The following GRID2 variants were observed in gnomAD, a reference collection of about 807,000 sequenced individuals.
GRID2 encodes glutamate receptor ionotropic, delta-2.
In GRID2, 33 loss-of-function variants were observed where a neutral mutation model predicts 114.8. The observed-to-expected ratio is 0.29, with a 90% CI of 0.22 to 0.38. The LOEUF (loss-of-function observed/expected upper bound fraction) is 0.38. Among genes scored for constraint, GRID2 ranks in the 10% least tolerant of loss-of-function variants. The pLI is 1.00. For missense variants in GRID2, 1,184 were observed against 1,257.7 expected (o/e 0.94, Z 0.89); for synonymous variants, 505 against 449.9 (o/e 1.12, Z -1.55).
intron 2 of GRID2, among the ~76,000 whole-genome samples, chr4:93,003,513 G>C (rs1286640477): frequency 6.6e-6 from 1 of 151,914 alleles, no homozygotes; most frequent in Non-Finnish European, 1.5e-5. Context: ...ATTACTGGAA[G>C]CATTTTATAT....
chr4:92,720,438 T>C (rs1202719724), intron 2 of GRID2, among the ~76,000 whole-genome samples: 1 of 151,968 alleles, frequency 6.6e-6, no homozygotes, highest in African/African-American at 2.4e-5. Context: ...ATTCAGAAAT[T>C]CAGCCAAATA....
chr4:92,419,761 C>T (rs542652215), intron 1 of GRID2, among the ~76,000 whole-genome samples: 3 of 152,084 alleles, frequency 2.0e-5, no homozygotes, highest in African/African-American at 7.2e-5. Context: ...AGAACTAACA[C>T]TTATTTAGGT....
intron 7 of GRID2, among the ~76,000 whole-genome samples, chr4:93,232,748 T>G (rs1287817373): frequency 6.6e-6 from 1 of 151,986 alleles, no homozygotes. Flanking sequence ...CCAACATATA[T>G]CAATATGATA....
intron 13 of GRID2, among the ~76,000 whole-genome samples, chr4:93,565,437 A>G (rs2149571068): frequency 6.6e-6 from 1 of 151,798 alleles, no homozygotes; most frequent in East Asian, 1.9e-4. Context: ...TAAAAGTTTC[A>G]ATAAAAAAAG....
intron 2 of GRID2, among the ~76,000 whole-genome samples, chr4:92,966,574 T>G (rs2149164384): frequency 6.6e-6 from 1 of 151,958 alleles, no homozygotes. Flanking sequence ...TGGGTGCAGT[T>G]TCCCCTATAC....
intron 14 of GRID2, among the ~76,000 whole-genome samples, chr4:93,656,388 A>G (rs2149729324): frequency 6.6e-6 from 1 of 152,258 alleles, no homozygotes; most frequent in East Asian, 1.9e-4. Flanking sequence ...GAAAAGCTCT[A>G]AAATATATTA....
chr4:93,808,715 C>G (rs1735078271), exon 2 of GRID2: 1 of 152,222 alleles, frequency 6.6e-6, no homozygotes, highest in African/African-American at 2.4e-5. Flanking sequence ...TCAGCCAGCC[C>G]TCTTGATGGA....
chr4:92,633,589 T>G (rs559334370), intron 2 of GRID2, among the ~76,000 whole-genome samples: 3 of 152,284 alleles, frequency 2.0e-5, no homozygotes, highest in Admixed American at 2.0e-4. Flanking sequence ...AATCATTATT[T>G]GTGATGTCAT....
chr4:92,422,044 A>G (rs1395622863), intron 1 of GRID2, among the ~76,000 whole-genome samples: 1 of 152,146 alleles, frequency 6.6e-6, no homozygotes, highest in East Asian at 1.9e-4. Context: ...TTGGAGCAGC[A>G]TGAGTGGAGG....
chr4:93,309,637 C>A (rs1001918438), intron 8 of GRID2, among the ~76,000 whole-genome samples: 2 of 152,088 alleles, frequency 1.3e-5, no homozygotes, highest in African/African-American at 4.8e-5. Context: ...TTTTATACTT[C>A]TCTTCCAAAG....
intron 10 of GRID2, among the ~76,000 whole-genome samples, chr4:93,435,734 A>C (rs143301293): frequency 1.3e-5 from 2 of 152,226 alleles, no homozygotes; most frequent in African/African-American, 4.8e-5. Flanking sequence ...CACATAGCCA[A>C]TAACTGGAAG....
At chr4:92,374,073 C>T (rs552954176) in intron 1 of GRID2, among the ~76,000 whole-genome samples, 1 of 152,260 alleles carries the variant, frequency 6.6e-6, no homozygotes, top group Non-Finnish European at 1.5e-5. Flanking sequence ...GGACCTCCTC[C>T]TCAGCAAGGG....
intron 2 of GRID2, among the ~76,000 whole-genome samples, chr4:92,744,505 A>T (rs937965328): frequency 2.0e-5 from 3 of 151,704 alleles, no homozygotes; most frequent in Admixed American, 6.6e-5. Flanking sequence ...AAAAAAAAAA[A>T]ATTTTTTTTC....
At chr4:93,499,896 G>T (rs957113110) in intron 12 of GRID2, among the ~76,000 whole-genome samples, 1 of 151,920 alleles carries the variant, frequency 6.6e-6, no homozygotes, top group Non-Finnish European at 1.5e-5. Context: ...TGAAGCTAGG[G>T]TAGTAAACCC....
chr4:92,581,758 T>C (rs1728196227), intron 1 of GRID2, among the ~76,000 whole-genome samples: 1 of 152,118 alleles, frequency 6.6e-6, no homozygotes, highest in African/African-American at 2.4e-5. Flanking sequence ...CAAAAATATA[T>C]TGAAGAAAAC....
intron 1 of GRID2, among the ~76,000 whole-genome samples, chr4:92,367,996 G>A (rs2110212921): frequency 6.6e-6 from 1 of 152,190 alleles, no homozygotes; most frequent in Admixed American, 6.6e-5. Flanking sequence ...CACATGTTGT[G>A]AGCTCAAAGA....
At chr4:93,328,596 A>G (rs1256062298) in intron 8 of GRID2, among the ~76,000 whole-genome samples, 1 of 152,148 alleles carries the variant, frequency 6.6e-6, no homozygotes, top group Non-Finnish European at 1.5e-5. Flanking sequence ...TGTATTATCT[A>G]CATTTTCAAA....
chr4:92,992,442 T>C (rs1002592486), intron 2 of GRID2, among the ~76,000 whole-genome samples: 1 of 152,200 alleles, frequency 6.6e-6, no homozygotes, highest in Non-Finnish European at 1.5e-5. Flanking sequence ...TAGGCACTGA[T>C]AGTATAGTTT....
chr4:92,855,861 C>T (rs1744140196), intron 2 of GRID2, among the ~76,000 whole-genome samples: 1 of 151,840 alleles, frequency 6.6e-6, no homozygotes, highest in Non-Finnish European at 1.5e-5. Flanking sequence ...ATTTTTCTTT[C>T]TAATTTTAAA....
Sources: allele counts gnomAD v4.1 joint callset (sites outside exome capture counted in the v4.1 genomes callset), GRCh38; gene constraint gnomAD v4.1.1; transcripts MANE v1.5; gene names NCBI Gene and HGNC (gene_info 2026-07-23, HGNC 2026-07-21).